Variants in RTL4 observed in about 807,000 individuals in gnomAD.
RTL4 encodes retrotransposon Gag like 4.
Under a neutral mutation model 5.3 loss-of-function variants are expected in RTL4, and 4 were observed. The ratio of observed to expected loss-of-function variants is 0.75; its 90% CI spans 0.37 to 1.72. RTL4 has a LOEUF of 1.72. Ranked by LOEUF, RTL4 falls within the 40% of genes most tolerant of loss-of-function variation. The pLI, the probability that RTL4 is intolerant of heterozygous loss-of-function variation, is 0.04. For synonymous variants in RTL4, 98 were observed against 87.3 expected, an observed-to-expected ratio of 1.12 and a Z score of -0.68; for missense variants, 260 against 227.1, an observed-to-expected ratio of 1.14 and a Z score of -0.93.
the RTL4 span, among the ~76,000 whole-genome samples, chrX:112,144,773 C>T: frequency 8.9e-6 from 1 of 111,738 alleles, no homozygotes; most frequent in East Asian, 2.8e-4. Context: ...TCTTCTGTTC[C>T]TCCACATATC....
the RTL4 span, among the ~76,000 whole-genome samples, chrX:112,305,793 C>A: frequency 8.9e-6 from 1 of 112,183 alleles, no homozygotes; most frequent in Admixed American, 9.5e-5. Context: ...CTCAGAGGGA[C>A]ATTGTGTAAT....
At chrX:112,277,549 C>T in the RTL4 span, among the ~76,000 whole-genome samples, 4 of 111,769 alleles carry the variant, frequency 3.6e-5, no homozygotes, top group Non-Finnish European at 7.5e-5. Context: ...GTGGGGAAAG[C>T]GGAGAGCCAA....
the RTL4 span, among the ~76,000 whole-genome samples, chrX:112,204,616 CA>C: frequency 9.0e-6 from 1 of 111,114 alleles, no homozygotes; most frequent in Admixed American, 9.6e-5. Context: ...AACTAAAAAT[CA>C]AAACAATTGA....
chrX:112,324,016 AC>A, the RTL4 span, among the ~76,000 whole-genome samples: 2 of 112,411 alleles, frequency 1.8e-5, no homozygotes, highest in African/African-American at 6.5e-5. Flanking sequence ...AGGGTGTGCA[AC>A]CATCACTACT....
At chrX:112,284,694 C>A in the RTL4 span, among the ~76,000 whole-genome samples, 1 of 111,403 alleles carries the variant, frequency 9.0e-6, no homozygotes, top group South Asian at 3.8e-4. Context: ...TTCTTTAGGG[C>A]ATGACTCACA....
the RTL4 span, among the ~76,000 whole-genome samples, chrX:112,115,796 G>A: frequency 8.9e-6 from 1 of 112,249 alleles, no homozygotes; most frequent in Non-Finnish European, 1.9e-5. Context: ...GTTTTTAGAA[G>A]CGGGACTAGC....
the RTL4 span, among the ~76,000 whole-genome samples, chrX:112,284,960 C>T: frequency 8.9e-6 from 1 of 111,845 alleles, no homozygotes. Context: ...TCAAAACGTC[C>T]AGCAAAGTTA....
the RTL4 span, among the ~76,000 whole-genome samples, chrX:112,297,991 AG>A: frequency 1.8e-5 from 2 of 111,584 alleles, no homozygotes; most frequent in African/African-American, 6.5e-5. Flanking sequence ...GAAACTGAAT[AG>A]GTGCCTAGAA....
the RTL4 span, among the ~76,000 whole-genome samples, chrX:112,353,438 A>G: frequency 9.0e-6 from 1 of 111,374 alleles, no homozygotes; most frequent in African/African-American, 3.3e-5. Context: ...CAACCCAAAT[A>G]TCCAACAACG....
chrX:112,437,759 G>A, the RTL4 span, among the ~76,000 whole-genome samples: 1 of 98,988 alleles, frequency 1.0e-5, no homozygotes, highest in African/African-American at 3.7e-5. Context: ...ACAGTATTAG[G>A]CCCAAAATAA....
the RTL4 span, among the ~76,000 whole-genome samples, chrX:112,189,902 C>T: frequency 0.2 from 22,624 of 111,228 alleles, 1,709 homozygotes; most frequent in Admixed American, 0.24. Flanking sequence ...ACAACAACAA[C>T]AACAACAAAA....
chrX:112,177,619 G>C, the RTL4 span, among the ~76,000 whole-genome samples: 71 of 108,471 alleles, frequency 6.5e-4, no homozygotes, highest in African/African-American at 2.4e-3. Context: ...AATATTTTCT[G>C]CCGTTCTGTG....
At chrX:112,202,136 T>C in the RTL4 span, among the ~76,000 whole-genome samples, 1 of 111,383 alleles carries the variant, frequency 9.0e-6, no homozygotes, top group South Asian at 3.8e-4. Flanking sequence ...CTCATAATCT[T>C]CACCCCTTCC....
At chrX:112,211,051 C>G in the RTL4 span, among the ~76,000 whole-genome samples, 1 of 112,165 alleles carries the variant, frequency 8.9e-6, no homozygotes, top group Non-Finnish European at 1.9e-5. Context: ...GCTGAGACTT[C>G]GCCCCCTTCA....
At chrX:112,239,140 TCC>T in the RTL4 span, among the ~76,000 whole-genome samples, 4 of 111,062 alleles carry the variant, frequency 3.6e-5, no homozygotes, top group Non-Finnish European at 7.6e-5. Context: ...TGCCACCTAT[TCC>T]CAGAAACAGG....
At chrX:112,300,768 C>T in the RTL4 span, among the ~76,000 whole-genome samples, 1 of 112,447 alleles carries the variant, frequency 8.9e-6, no homozygotes, top group African/African-American at 3.2e-5. Context: ...ACTGCAGCCA[C>T]ATTCCCCTGC....
chrX:112,121,879 C>T, the RTL4 span, among the ~76,000 whole-genome samples: 1 of 111,269 alleles, frequency 9.0e-6, no homozygotes, highest in East Asian at 2.8e-4. Flanking sequence ...CATATTATCA[C>T]AATAGATACA....
chrX:112,382,340 T>C, the RTL4 span: 1 of 479,532 alleles, frequency 2.1e-6, no homozygotes, highest in Non-Finnish European at 3.5e-6. Flanking sequence ...TCTATCATGA[T>C]GTGTTGGAGT....
the RTL4 span, among the ~76,000 whole-genome samples, chrX:112,163,832 T>A: frequency 8.9e-6 from 1 of 111,769 alleles, no homozygotes; most frequent in Non-Finnish European, 1.9e-5. Flanking sequence ...GGTAGTTCCC[T>A]TGAAAACAGG....
Sources: gnomAD v4.1 joint callset for allele counts (sites outside exome capture counted in the v4.1 genomes callset) on GRCh38, gnomAD v4.1.1 for gene constraint, MANE v1.5 for transcripts, NCBI Gene and HGNC (gene_info 2026-07-23, HGNC 2026-07-21) for gene names.